SCN11A: variants seen among roughly 807,000 people sequenced by gnomAD.
SCN11A encodes sodium voltage-gated channel alpha subunit 11, also known as sodium channel protein type 11 subunit alpha.
Under a neutral mutation model 162.2 loss-of-function variants are expected in SCN11A, and 122 were observed. The ratio of observed to expected loss-of-function variants is 0.75; its 90% CI spans 0.65 to 0.87. The LOEUF (loss-of-function observed/expected upper bound fraction) is 0.87, where lower values mean the gene tolerates loss of function less well. Ranked by LOEUF, SCN11A falls within the 40% of genes least tolerant of loss-of-function variation. The pLI is 0.00. For missense variants in SCN11A, 2,015 were observed against 2,181.6 expected (o/e 0.92, Z 1.52); for synonymous variants, 758 against 751.5 (o/e 1.01, Z -0.14).
At chr3:39,026,645 A>G (rs1352536166) in intron 2 of SCN11A, among the ~76,000 whole-genome samples, 1 of 152,292 alleles carries the variant, frequency 6.6e-6, no homozygotes, top group Non-Finnish European at 1.5e-5. Flanking sequence ...GAATACAAGG[A>G]CAAGTGGGAA....
intron 28 of SCN11A, 124 bp from the exon 29 acceptor site, chr3:38,850,875 A>T: frequency 1.4e-6 from 1 of 727,520 alleles, no homozygotes; most frequent in South Asian, 2.4e-5. Context: ...TGAAAAATAC[A>T]CAGACCCTTT....
At chr3:39,035,433 T>C (rs147986345) in intron 1 of SCN11A, among the ~76,000 whole-genome samples, 3 of 152,230 alleles carry the variant, frequency 2.0e-5, no homozygotes, top group Non-Finnish European at 2.9e-5. Context: ...TCTTGCCGTA[T>C]ATAAAAATCA....
chr3:38,903,916 C>T lies in SCN11A; in HGVS notation c.1791G>A (p.Glu597=), dbSNP rs750259103. ...CAAAACTGGCCTCCATCTTGTGATG[C>T]TCCATGGCCAAGAAGACAGTGTTGA... ...IIINTVFLAM[E]HHKMEASFEK... The change falls in exon 16 of 30, where the codon GAG becomes GAA. Residue 597 remains glutamate, a synonymous_variant. Transcript: ENST00000302328. 1.9e-6 allele frequency: 3 copies of T among 1,613,772 alleles called. No individual in the cohort carries two copies. The highest frequency in any genetic ancestry group is 1.7e-5 in the Admixed American group (1 of 59,950).
intron 1 of SCN11A, among the ~76,000 whole-genome samples, chr3:39,040,388 C>T (rs2032020572): frequency 6.6e-6 from 1 of 152,148 alleles, no homozygotes; most frequent in African/African-American, 2.4e-5. Flanking sequence ...AAGTCTTTCC[C>T]AATGAAAGCT....
At chr3:38,923,256 G>C (rs1467481036) in intron 9 of SCN11A, among the ~76,000 whole-genome samples, 1 of 151,950 alleles carries the variant, frequency 6.6e-6, no homozygotes, top group Non-Finnish European at 1.5e-5. Context: ...TCAGACCTTG[G>C]TCCTCTTCTA....
chr3:39,036,429 G>GCTT (rs2031907414), intron 1 of SCN11A, among the ~76,000 whole-genome samples: 1 of 152,182 alleles, frequency 6.6e-6, no homozygotes, highest in East Asian at 1.9e-4. Context: ...ACAGGCAAGA[G>GCTT]CCACCACACC....
chr3:38,921,855 T>G (rs2125549230), intron 9 of SCN11A, among the ~76,000 whole-genome samples: 1 of 152,342 alleles, frequency 6.6e-6, no homozygotes, highest in East Asian at 1.9e-4. Context: ...CATGGCACAC[T>G]GTTAAGCTGC....
At position 38,964,092 on chromosome 3, in the gene SCN11A, CAT is replaced by C. The variant is rs560769049; in HGVS notation, c.-279-3671_-279-3670del. Among the ~76,000 whole-genome samples, 5 of 152,350 alleles carry C rather than the reference CAT, an allele frequency of 3.3e-5. No individual in the cohort carries two copies. In the South Asian group the frequency reaches 6.2e-4, roughly 19 times the overall value. On this transcript the variant is annotated intron_variant, in intron 2 of 29. Transcript: ENST00000302328. ...TTTTCTGTCCTGTGGGAAATTAAAACATGTGTCTGACAAATGGAGCAGAGCAC... is the reference window on the plus strand; with the variant it reads ...TTTTCTGTCCTGTGGGAAATTAAAACGTGTCTGACAAATGGAGCAGAGCAC...
At chr3:38,955,045 C>G (rs1448920693) in intron 3 of SCN11A, among the ~76,000 whole-genome samples, 2 of 151,206 alleles carry the variant, frequency 1.3e-5, no homozygotes, top group Non-Finnish European at 2.9e-5. Flanking sequence ...CTTACACCCA[C>G]TGGGAGGCCA....
At chr3:38,861,456 C>T (rs934911779) in intron 28 of SCN11A, among the ~76,000 whole-genome samples, 2 of 152,028 alleles carry the variant, frequency 1.3e-5, no homozygotes, top group Non-Finnish European at 2.9e-5. Context: ...GCAAAAAGAA[C>T]AAATTTGGAG....
intron 19 of SCN11A, among the ~76,000 whole-genome samples, chr3:38,887,790 C>T (rs1398821620): frequency 6.6e-6 from 1 of 152,168 alleles, no homozygotes; most frequent in Non-Finnish European, 1.5e-5. Flanking sequence ...TTGCTGGTTA[C>T]AGTCACATCT....
chr3:38,918,619 G>A (rs2065997895), intron 11 of SCN11A, among the ~76,000 whole-genome samples: 1 of 152,214 alleles, frequency 6.6e-6, no homozygotes, highest in African/African-American at 2.4e-5. Context: ...TCTGGCAACA[G>A]GGACCGGTTT....
At chr3:38,982,519 AG>A (rs2030093636) in intron 2 of SCN11A, among the ~76,000 whole-genome samples, 1 of 152,202 alleles carries the variant, frequency 6.6e-6, no homozygotes. Context: ...CTAATAAGGC[AG>A]GGTGGGGAGC....
At chr3:38,979,481 C>T (rs936599492) in intron 2 of SCN11A, among the ~76,000 whole-genome samples, 1 of 152,204 alleles carries the variant, frequency 6.6e-6, no homozygotes, top group Non-Finnish European at 1.5e-5. Context: ...ATACTGCCAT[C>T]TCCATGGTCC....
Position 38,909,123 on chromosome 3 carries a change from C to G in SCN11A, c.1173G>C (p.Leu391=). Residue 391 remains leucine, a synonymous_variant, in exon 13 of 30, where the codon CTG becomes CTC. Coordinates refer to ENST00000302328, the MANE Select transcript of SCN11A (RefSeq NM_001349253.2). ...TAACAACAGCCAGGGTTAAGTTAAT[C>G]AGGTAGAAGGAGCCCAGGAAAATGA... ...IVVIFLGSFY[L]INLTLAVVTM... is the part of the protein sequence containing the mutation. 1 of 1,614,072 alleles carries G rather than the reference C, an allele frequency of 6.2e-7. No homozygotes were observed. Among genetic ancestry groups the G allele is most frequent in the Non-Finnish European group, 8.5e-7 (1 of 1,179,992 alleles).
chr3:38,963,393 G>GATATAT (rs765572967), intron 2 of SCN11A, among the ~76,000 whole-genome samples: 13 of 56,272 alleles, frequency 2.3e-4, no homozygotes, highest in Non-Finnish European at 2.8e-4. Flanking sequence ...ATATGATGGA[G>GATATAT]ATATATATAT....
At chr3:38,909,781 C>T (rs2065859977) in intron 12 of SCN11A, among the ~76,000 whole-genome samples, 1 of 151,886 alleles carries the variant, frequency 6.6e-6, no homozygotes, top group Admixed American at 6.6e-5. Flanking sequence ...TGGGGTTTCA[C>T]CATGTTGGCC....
chr3:38,920,025 T>C (rs1340691816), intron 10 of SCN11A, 24 bp from the exon 11 acceptor site: 14 of 1,569,380 alleles, frequency 8.9e-6, no homozygotes, highest in Non-Finnish European at 1.2e-5. Flanking sequence ...AAGTCATAAA[T>C]TCAGATTTTA....
intron 1 of SCN11A, among the ~76,000 whole-genome samples, chr3:39,043,848 T>C (rs1237723920): frequency 6.6e-6 from 1 of 152,074 alleles, no homozygotes; most frequent in Non-Finnish European, 1.5e-5. Context: ...TTGCTTGTAA[T>C]AAAAAGGATA....
Sources: gnomAD v4.1 joint callset for allele counts (sites outside exome capture counted in the v4.1 genomes callset) on GRCh38, gnomAD v4.1.1 for gene constraint, MANE v1.5 for transcripts, NCBI Gene and HGNC (gene_info 2026-07-23, HGNC 2026-07-21) for gene names.